Variants in SUMF2 observed in about 807,000 individuals in gnomAD.
SUMF2 encodes sulfatase modifying factor 2.
A neutral mutation model predicts 44.8 loss-of-function variants in SUMF2; 45 were observed. The observed-to-expected ratio is 1.00, with a 90% confidence interval of 0.79 to 1.29. SUMF2 has a LOEUF of 1.29. Among genes scored for constraint, SUMF2 ranks in the 50% most tolerant of loss-of-function variants. The probability of loss-of-function intolerance (pLI) is 0.00; values close to 1 mark genes in which losing one functional copy is unlikely to be tolerated. For missense variants in SUMF2, 418 were observed against 389.9 expected (o/e 1.07, Z -0.61); for synonymous variants, 148 against 150.4 (o/e 0.98, Z 0.12).
intron 2 of SUMF2, 70 bp from the exon 3 acceptor site, chr7:56,072,927 C>T: frequency 1.7e-6 from 2 of 1,157,202 alleles, no homozygotes; most frequent in Non-Finnish European, 2.6e-6. Context: ...TCTGAAGTTT[C>T]CTGGAGCAGG....
chr7:56,080,147 T>TC lies in SUMF2; in HGVS notation c.*536dup. The TC allele has an allele frequency of 2.3e-6, 1 of 434,092 alleles. No homozygotes were observed. The allele number at this position is 434,092 out of a possible 1,614,324, so 26.9% of individuals were successfully genotyped here. A position where few individuals can be genotyped will look rare whatever the true frequency, so the allele number is the denominator to read the frequency against. On this transcript the variant is annotated 3_prime_UTR_variant, in exon 9 of 9. Transcript: ENST00000434526. ...GACATGTAACTATTTAAAGCACAGT[T>TC]CAGTCCTAAAAGGGTCTGGGAGAAC...
At chr7:56,072,114 T>C in intron 2 of SUMF2, among the ~76,000 whole-genome samples, 1 of 112,122 alleles carries the variant, frequency 8.9e-6, no homozygotes, top group Middle Eastern at 0.01. Flanking sequence ...AGAGCAAGAC[T>C]CTGTCTCAAA....
intron 6 of SUMF2, 89 bp downstream of exon 6, chr7:56,076,978 G>C (rs887370622): frequency 1.5e-6 from 2 of 1,310,698 alleles, no homozygotes; most frequent in Non-Finnish European, 2.1e-6. Flanking sequence ...CATCCAGAAG[G>C]CTTGGGTTCT....
At chr7:56,084,131 T>C (rs1219131756), downstream of SUMF2, 2 of 1,395,804 alleles carry the variant, frequency 1.4e-6, no homozygotes, top group Non-Finnish European at 2.0e-6. Context: ...CCCGAGCTGG[T>C]GGCCCTGTGA....
rs751259359 is a variant in SUMF2, at chr7:56,078,524, C to T, written c.821+16C>T. The T allele has an allele frequency of 3.2e-6, 5 of 1,538,924 alleles. No homozygotes were observed. In the South Asian group the frequency reaches 6.3e-5, roughly 19 times the overall value. ...TCACCACCAGGTAAGGGGCTTGGTC[C>T]CAGGCAACACGGGGCCTTGTAGCTG... On this transcript the variant is annotated intron_variant, in intron 8 of 8. Coordinates refer to ENST00000434526, the MANE Select transcript of SUMF2 (RefSeq NM_015411.4).
chr7:56,082,154 C>G (rs17172508), downstream of SUMF2: 3 of 1,612,898 alleles, frequency 1.9e-6, no homozygotes, highest in Non-Finnish European at 2.5e-6. Context: ...CCTTTCCCGG[C>G]GCACTCACAT....
chr7:56,073,265 C>G, intron 3 of SUMF2, 154 bp downstream of exon 3: 1 of 703,346 alleles, frequency 1.4e-6, no homozygotes, highest in East Asian at 2.7e-5. Flanking sequence ...AGCGTCAGAT[C>G]AGTACACACT....
intron 8 of SUMF2, 82 bp downstream of exon 8, chr7:56,078,590 T>C: frequency 7.1e-7 from 1 of 1,415,616 alleles, no homozygotes; most frequent in Non-Finnish European, 9.3e-7. Flanking sequence ...TGTCCCTACC[T>C]TCACACCACC....
intron 8 of SUMF2, chr7:56,078,938 C>A: frequency 1.9e-6 from 1 of 522,824 alleles, no homozygotes; most frequent in Non-Finnish European, 3.4e-6. Flanking sequence ...GCTCTGTTGT[C>A]CAGGCTGGAG....
In SUMF2 at chr7:56,064,316, C is replaced by G; in HGVS notation, c.5C>G (p.Ala2Gly). 1 of 1,593,534 alleles carries G rather than the reference C, an allele frequency of 6.3e-7. No individual in the cohort carries two copies. Among genetic ancestry groups the G allele is most frequent in the Non-Finnish European group, 8.5e-7 (1 of 1,170,298 alleles). ...CGGCGCAGCGCGGCAGTCCTGATGG[C>G]CCGGCATGGGTTACCGCTGCTGCCC... is the stretch of plus-strand genomic sequence containing the variant. MARHGLPLLPLL... is the reference protein window; with the variant it reads MGRHGLPLLPLL... Residue 2 changes from alanine to glycine, a missense_variant, in exon 1 of 9, where the codon GCC (alanine) becomes GGC (glycine). Transcript: ENST00000434526.
chr7:56,079,009 A>G, intron 8 of SUMF2: 1 of 610,152 alleles, frequency 1.6e-6, no homozygotes, highest in Non-Finnish European at 3.0e-6. Context: ...CGATTCTTCC[A>G]CCTCAGCTCC....
intron 5 of SUMF2, among the ~76,000 whole-genome samples, chr7:56,075,407 CTGTT>C (rs1013533165): frequency 1.3e-5 from 2 of 151,796 alleles, no homozygotes; most frequent in Non-Finnish European, 2.9e-5. Context: ...TTAAGAGTCA[CTGTT>C]TGCGGCCGGG....
At chr7:56,087,887 C>T in the SUMF2 span, 1 of 818,508 alleles carries the variant, frequency 1.2e-6, no homozygotes, top group Non-Finnish European at 1.9e-6. Flanking sequence ...TACACTTTCC[C>T]CCAACTTCCT....
intron 1 of SUMF2, among the ~76,000 whole-genome samples, chr7:56,065,561 C>G (rs1794727970): frequency 6.6e-6 from 1 of 152,110 alleles, no homozygotes; most frequent in South Asian, 2.1e-4. Flanking sequence ...AATTCCGATT[C>G]AATCTGAGAT....
intron 2 of SUMF2, among the ~76,000 whole-genome samples, chr7:56,072,118 T>A (rs1795203255): frequency 9.5e-6 from 1 of 104,868 alleles, no homozygotes; most frequent in Admixed American, 1.2e-4. Flanking sequence ...CAAGACTCTG[T>A]CTCAAAAAAA....
At chr7:56,066,443 T>TTTTATTTA (rs1156522347) in intron 1 of SUMF2, among the ~76,000 whole-genome samples, 82 of 152,184 alleles carry the variant, frequency 5.4e-4, no homozygotes, top group African/African-American at 1.9e-3. Flanking sequence ...CTTTTTTATT[T>TTTTATTTA]TTTATTTATT....
chr7:56,083,387 G>A (rs1255499107), downstream of SUMF2: 4 of 1,614,070 alleles, frequency 2.5e-6, no homozygotes, highest in Non-Finnish European at 3.4e-6. Context: ...CCCGGTGCAC[G>A]ATGTTGAGTT....
chr7:56,083,625 GA>G, downstream of SUMF2: 1 of 1,565,532 alleles, frequency 6.4e-7, no homozygotes. Flanking sequence ...GGAGGGAGCG[GA>G]GAGAAGGGCA....
intron 2 of SUMF2, 25 bp downstream of exon 2, chr7:56,068,663 G>A (rs750612204): frequency 2.4e-5 from 38 of 1,605,360 alleles, no homozygotes; most frequent in South Asian, 3.4e-5. Flanking sequence ...CTTCCAGGAG[G>A]AATGAAGACC....
Sources: allele counts gnomAD v4.1 joint callset (sites outside exome capture counted in the v4.1 genomes callset), GRCh38; gene constraint gnomAD v4.1.1; transcripts MANE v1.5; gene names NCBI Gene and HGNC (gene_info 2026-07-23, HGNC 2026-07-21).